NEK10: variants seen among roughly 807,000 people sequenced by gnomAD.
The protein encoded by NEK10 is serine/threonine-protein kinase Nek10.
In NEK10, 122 loss-of-function variants were observed where a neutral mutation model predicts 159.8. That is an observed-to-expected ratio of 0.76 (90% CI 0.66 to 0.89). The LOEUF is 0.89. NEK10 is among the 40% of genes least tolerant of loss of function. The pLI is 0.00. For synonymous variants in NEK10, 466 were observed against 457.1 expected (o/e 1.02, Z -0.25); for missense variants, 1,342 against 1,323.1 (o/e 1.01, Z -0.22).
intron 6 of NEK10, among the ~76,000 whole-genome samples, chr3:27,320,192 A>T (rs2045519524): frequency 6.6e-6 from 1 of 152,196 alleles, no homozygotes; most frequent in Admixed American, 6.5e-5. Context: ...CTTGGTCACA[A>T]AATCTCATAA....
intron 22 of NEK10, among the ~76,000 whole-genome samples, chr3:27,263,808 C>T (rs941973436): frequency 1.3e-5 from 2 of 152,138 alleles, no homozygotes; most frequent in South Asian, 2.1e-4. Context: ...ATGCTCGGTG[C>T]ACTGCACCCA....
rs749388449 is a variant in NEK10, at chr3:27,352,898, C to T, written c.-16G>A. On this transcript the variant is annotated 5_prime_UTR_variant, in exon 2 of 36. Coordinates refer to ENST00000691995, the MANE Select transcript of NEK10 (RefSeq NM_001394966.1). ...GATCAGGCATTGTAAAACATCAATG[C>T]CCCAGAATTAACATCGCATTCCTTT... 5.1e-6 allele frequency: 8 copies of T among 1,580,148 alleles called. No individual in the cohort carries two copies. Among genetic ancestry groups the T allele is most frequent in the Non-Finnish European group, 3.5e-6 (4 of 1,151,360 alleles).
chr3:27,129,691 C>T (rs1942388350), intron 32 of NEK10, among the ~76,000 whole-genome samples: 1 of 151,958 alleles, frequency 6.6e-6, no homozygotes, highest in East Asian at 1.9e-4. Flanking sequence ...AATTATTAAA[C>T]ATTAAGTACC....
At chr3:27,368,348 T>G (rs2049257937) in intron 1 of NEK10, among the ~76,000 whole-genome samples, 1 of 151,404 alleles carries the variant, frequency 6.6e-6, no homozygotes, top group Non-Finnish European at 1.5e-5. Context: ...TATATATATA[T>G]CAGTTCAACA....
intron 33 of NEK10, 99 bp from the exon 34 acceptor site, chr3:27,116,226 C>G: frequency 2.0e-6 from 2 of 1,022,686 alleles, no homozygotes; most frequent in Non-Finnish European, 1.5e-6. Flanking sequence ...GCAAACAGGT[C>G]AATTTCTTAA....
At chr3:27,296,904 T>A (rs1024021862) in intron 14 of NEK10, among the ~76,000 whole-genome samples, 2 of 152,076 alleles carry the variant, frequency 1.3e-5, no homozygotes, top group African/African-American at 4.8e-5. Flanking sequence ...ATTCAGAGTA[T>A]CCCTTTTAGA....
At chr3:27,155,507 AT>A (rs1293840947) in intron 30 of NEK10, among the ~76,000 whole-genome samples, 1 of 106,402 alleles carries the variant, frequency 9.4e-6, no homozygotes, top group African/African-American at 3.3e-5. Flanking sequence ...TCTCAAAAAA[AT>A]AAATAAAATA....
intron 31 of NEK10, among the ~76,000 whole-genome samples, chr3:27,136,103 A>ATTTTTT (rs775843715): frequency 6.6e-5 from 4 of 60,680 alleles, no homozygotes; most frequent in African/African-American, 1.2e-4. Flanking sequence ...TAGGAGATCG[A>ATTTTTT]TTTTTTTTTT....
At chr3:27,286,079 C>CTTTTTTTTTTTTTTTTTTTT (rs35663067) in intron 20 of NEK10, among the ~76,000 whole-genome samples, 2 of 57,710 alleles carry the variant, frequency 3.5e-5, no homozygotes, top group Non-Finnish European at 5.9e-5. Flanking sequence ...ATTTCCAATT[C>CTTTTTTTTTTTTTTTTTTTT]TTTTTTTTTT....
At chr3:27,118,651 A>G (rs1940847864) in intron 33 of NEK10, among the ~76,000 whole-genome samples, 2 of 151,386 alleles carry the variant, frequency 1.3e-5, no homozygotes, top group African/African-American at 2.5e-5. Flanking sequence ...CAGGTTTTTG[A>G]GAGATTTTTA....
intron 29 of NEK10, among the ~76,000 whole-genome samples, chr3:27,165,976 G>T (rs529178258): frequency 1.7e-4 from 26 of 152,226 alleles, no homozygotes; most frequent in Admixed American, 1.6e-3. Flanking sequence ...CATTATAAGT[G>T]TATTCCATCA....
At chr3:27,217,060 T>A (rs1208369649) in intron 23 of NEK10, among the ~76,000 whole-genome samples, 3 of 152,148 alleles carry the variant, frequency 2.0e-5, no homozygotes, top group Non-Finnish European at 2.9e-5. Flanking sequence ...GATAAAAAAA[T>A]TTTACTGACA....
At chr3:27,224,996 G>A (rs923568133) in intron 23 of NEK10, among the ~76,000 whole-genome samples, 2 of 152,200 alleles carry the variant, frequency 1.3e-5, no homozygotes, top group Non-Finnish European at 2.9e-5. Flanking sequence ...TAGAAGGACA[G>A]AGATAATGGA....
intron 32 of NEK10, among the ~76,000 whole-genome samples, chr3:27,122,109 T>C (rs1941399758): frequency 6.6e-6 from 1 of 152,208 alleles, no homozygotes; most frequent in South Asian, 2.1e-4. Flanking sequence ...TTATCAGTGA[T>C]AACTGATAAC....
intron 1 of NEK10, among the ~76,000 whole-genome samples, chr3:27,355,068 C>T (rs1431589806): frequency 1.3e-5 from 2 of 152,212 alleles, no homozygotes; most frequent in Non-Finnish European, 2.9e-5. Flanking sequence ...AAATCAACGA[C>T]TCCATGTGGA....
rs914970241 is a variant in NEK10, at chr3:27,274,191, C to A, written c.2014+10411G>T. Among the ~76,000 whole-genome samples the A allele has an allele frequency of 3.3e-5, 5 of 152,112 alleles. No individual in the cohort carries two copies. In the East Asian group the frequency reaches 9.6e-4, roughly 29 times the overall value. Reference sequence around the variant, plus strand: ...GCTTCCTTCTCCAGTGCAGACTCCACCAGGGATGAGGGAGAGGGAAGGAAC... The same window carrying A: ...GCTTCCTTCTCCAGTGCAGACTCCAACAGGGATGAGGGAGAGGGAAGGAAC... On this transcript the variant is annotated intron_variant, in intron 22 of 35. Coordinates refer to ENST00000691995, the MANE Select transcript of NEK10 (RefSeq NM_001394966.1).
At chr3:27,243,286 A>T (rs562048768) in intron 23 of NEK10, among the ~76,000 whole-genome samples, 13 of 152,314 alleles carry the variant, frequency 8.5e-5, no homozygotes, top group African/African-American at 3.1e-4. Flanking sequence ...AAATGAGTTA[A>T]GAAATAAATT....
At chr3:27,153,389 C>G (rs1945088219) in intron 30 of NEK10, among the ~76,000 whole-genome samples, 1 of 150,490 alleles carries the variant, frequency 6.6e-6, no homozygotes, top group Non-Finnish European at 1.5e-5. Context: ...CACAATTAGA[C>G]AGGTTATCAA....
At chr3:27,344,521 C>T (rs1369118913) in intron 4 of NEK10, among the ~76,000 whole-genome samples, 151 bp from the exon 5 acceptor site, 2 of 152,112 alleles carry the variant, frequency 1.3e-5, no homozygotes, top group Non-Finnish European at 2.9e-5. Flanking sequence ...TTGAAGGAGC[C>T]TTGCGTTTAA....
Sources: allele counts gnomAD v4.1 joint callset (sites outside exome capture counted in the v4.1 genomes callset), GRCh38; gene constraint gnomAD v4.1.1; transcripts MANE v1.5; gene names NCBI Gene and HGNC (gene_info 2026-07-23, HGNC 2026-07-21).